WASHC2A: variants seen among roughly 807,000 people sequenced by gnomAD.
WASHC2A encodes the protein WASH complex subunit FAM21A.
Under a neutral mutation model 140.3 loss-of-function variants are expected in WASHC2A, and 82 were observed. The observed-to-expected ratio is 0.58, with a 90% CI of 0.49 to 0.70. The LOEUF is 0.70. WASHC2A is among the 30% of genes least tolerant of loss of function. The pLI, the probability that WASHC2A is intolerant of heterozygous loss-of-function variation, is 0.00. For missense variants in WASHC2A, 985 were observed against 1,521.8 expected (o/e 0.65, Z 5.87); for synonymous variants, 340 against 560.8 (o/e 0.61, Z 5.56).
intron 8 of WASHC2A, among the ~76,000 whole-genome samples, chr10:50,088,850 A>G (rs1193789803): frequency 8.2e-6 from 1 of 121,878 alleles, no homozygotes; most frequent in African/African-American, 3.2e-5. Flanking sequence ...GGTTGTATTC[A>G]TAAATGTGGT....
At chr10:50,072,632 A>G (rs1589141307) in intron 3 of WASHC2A, among the ~76,000 whole-genome samples, 1 of 151,064 alleles carries the variant, frequency 6.6e-6, no homozygotes, top group African/African-American at 2.4e-5. Flanking sequence ...GATGACAGGC[A>G]CCCGCCACCA....
intron 16 of WASHC2A, 30 bp downstream of exon 16, chr10:50,097,832 G>A (rs1172164215): frequency 6.2e-7 from 1 of 1,611,422 alleles, no homozygotes; most frequent in Non-Finnish European, 8.5e-7. Flanking sequence ...TAACGCAGGA[G>A]CATTGATCTG....
At chr10:50,091,644 T>C in intron 10 of WASHC2A, 126 bp downstream of exon 10, 2 of 953,436 alleles carry the variant, frequency 2.1e-6, no homozygotes. Flanking sequence ...AATTGCTACA[T>C]ATAATTTAAA....
rs1843509313 is a variant in WASHC2A at position 50,127,170 on chromosome 10, G to T, written c.2822G>T (p.Gly941Val). Reference protein sequence around the residue: ...WKPETPQDSSGLAPFKTKEPS... With the variant: ...WKPETPQDSSVLAPFKTKEPS... The stretch of plus-strand genomic sequence containing the variant: ...TGTAATTTTACACAGGACTCATCAG[G>T]TCTCGCTCCATTTAAAACCAAAGAA... The change falls in exon 27 of 31, where the codon GGT (glycine) becomes GTT (valine). Residue 941 changes from glycine to valine, a missense_variant. Transcript: ENST00000282633. The T allele has an allele frequency of 6.2e-7, 1 of 1,611,904 alleles. No individual in the cohort carries two copies. Among genetic ancestry groups the T allele is most frequent in the African/African-American group, 1.3e-5 (1 of 74,846 alleles).
chr10:50,090,515 A>T (rs200181243), intron 8 of WASHC2A, among the ~76,000 whole-genome samples: 13,148 of 108,632 alleles, frequency 0.12, 1,682 homozygotes, highest in African/African-American at 0.32. Flanking sequence ...AAAAAAAAAA[A>T]ATATATATAT....
rs1554875495 is a variant in WASHC2A, at chr10:50,069,604, A to C, written c.184A>C (p.Lys62Gln). 3 of 1,613,978 alleles carry C rather than the reference A, an allele frequency of 1.9e-6. No individual in the cohort carries two copies. Among genetic ancestry groups the C allele is most frequent in the Non-Finnish European group, 2.5e-6 (3 of 1,179,858 alleles). Residue 62 changes from lysine (K) to glutamine (Q), a missense_variant, in exon 3 of 31, where the codon AAG becomes CAG. By Grantham distance (53) the Lys-to-Gln change is moderately conservative. Coordinates refer to ENST00000282633, the MANE Select transcript of WASHC2A (RefSeq NM_001005751.3). ...QQTISRTHEI[K>Q]KQVDGLIRET... ...AACTATCTCTAGGACCCATGAAATCAAGAAACAAGTGGACGGACTAATTCG... is the reference window on the plus strand; with the variant it reads ...AACTATCTCTAGGACCCATGAAATCCAGAAACAAGTGGACGGACTAATTCG...
In WASHC2A at chr10:50,093,981, G is replaced by C. The variant is rs1276506179; in HGVS notation, c.1180+64G>C. 6.2e-6 allele frequency: 10 copies of C among 1,601,288 alleles called. No individual in the cohort carries two copies. The South Asian group carries it at 1.1e-4, about 18-fold the overall frequency. ...GTTCCAAAACTGTCTTTCTCACTAG[G>C]AGATGGAACAAGGTTGTTCCCAAGC... On this transcript the variant is annotated intron_variant, in intron 13 of 30. Transcript: ENST00000282633.
At chr10:50,074,275 T>C (rs1327181483) in intron 3 of WASHC2A, among the ~76,000 whole-genome samples, 3 of 117,516 alleles carry the variant, frequency 2.6e-5, no homozygotes, top group African/African-American at 8.9e-5. Flanking sequence ...ATCTGCTGGA[T>C]ATGAAGTAGT....
intron 13 of WASHC2A, among the ~76,000 whole-genome samples, chr10:50,094,320 G>GT (rs1589202918): frequency 6.9e-6 from 1 of 145,392 alleles, no homozygotes; most frequent in African/African-American, 2.6e-5. Flanking sequence ...TTGTTTTTTT[G>GT]TTTTTTGTTT....
intron 3 of WASHC2A, among the ~76,000 whole-genome samples, chr10:50,074,962 A>C (rs1838173706): frequency 6.6e-6 from 1 of 151,802 alleles, no homozygotes; most frequent in Admixed American, 6.6e-5. Flanking sequence ...ACCTACAAAA[A>C]ATCAGCTACC....
intron 8 of WASHC2A, among the ~76,000 whole-genome samples, chr10:50,088,044 C>T (rs1589180619): frequency 6.6e-6 from 1 of 151,832 alleles, no homozygotes; most frequent in Non-Finnish European, 1.5e-5. Flanking sequence ...GTCTCGAGCT[C>T]CTGACCTCAG....
At chr10:50,081,568 CA>C in intron 5 of WASHC2A, among the ~76,000 whole-genome samples, 1 of 106,858 alleles carries the variant, frequency 9.4e-6, no homozygotes, top group Non-Finnish European at 1.9e-5. Flanking sequence ...AAAGTTACCA[CA>C]GTGATTTATA....
intron 16 of WASHC2A, 113 bp downstream of exon 16, chr10:50,097,915 A>C: frequency 6.5e-7 from 1 of 1,541,242 alleles, no homozygotes; most frequent in South Asian, 1.3e-5. Context: ...GAAGAACTTC[A>C]AACAGAAAGT....
intron 26 of WASHC2A, chr10:50,126,494 T>C (rs1843442324): frequency 1.3e-5 from 3 of 239,708 alleles, no homozygotes; most frequent in African/African-American, 4.6e-5. Context: ...CTGGATTTCC[T>C]TGGAATAGAA....
chr10:50,068,906 G>A (rs1190746628), intron 2 of WASHC2A, among the ~76,000 whole-genome samples: 1 of 144,406 alleles, frequency 6.9e-6, no homozygotes, highest in Non-Finnish European at 1.5e-5. Context: ...TAGTAGAGAT[G>A]GGGGTCTTGC....
At chr10:50,120,507 C>A (rs1286146670) in intron 23 of WASHC2A, among the ~76,000 whole-genome samples, 2 of 133,104 alleles carry the variant, frequency 1.5e-5, no homozygotes, top group Non-Finnish European at 3.1e-5. Flanking sequence ...GTAATCCCAG[C>A]TACTTGGGAG....
intron 4 of WASHC2A, among the ~76,000 whole-genome samples, chr10:50,079,919 C>CA (rs1838741314): frequency 6.6e-6 from 1 of 150,902 alleles, no homozygotes; most frequent in African/African-American, 2.4e-5. Flanking sequence ...ACAACCAAGA[C>CA]AAAAAAGTTC....
At chr10:50,109,707 C>G (rs1413345793) in intron 19 of WASHC2A, among the ~76,000 whole-genome samples, 1 of 152,194 alleles carries the variant, frequency 6.6e-6, no homozygotes, top group African/African-American at 2.4e-5. Context: ...TTAAATACAA[C>G]TTAGTTTAAC....
intron 8 of WASHC2A, among the ~76,000 whole-genome samples, chr10:50,089,272 GT>G (rs1839669227): frequency 1.4e-5 from 2 of 145,366 alleles, no homozygotes; most frequent in Non-Finnish European, 1.5e-5. Flanking sequence ...GCCACAAACA[GT>G]TTTTCAAAAA....
Sources: allele counts gnomAD v4.1 joint callset (sites outside exome capture counted in the v4.1 genomes callset), GRCh38; gene constraint gnomAD v4.1.1; transcripts MANE v1.5; gene names NCBI Gene and HGNC (gene_info 2026-07-23, HGNC 2026-07-21).